The following VPS13B variants were observed in gnomAD, a reference collection of about 807,000 sequenced individuals.
VPS13B encodes vacuolar protein sorting 13 homolog B.
VPS13B carries 285 observed loss-of-function variants against 426.4 expected under a neutral mutation model. That is an observed-to-expected ratio of 0.67 (90% CI 0.61 to 0.74). VPS13B has a LOEUF of 0.74. VPS13B is among the 30% of genes least tolerant of loss of function. VPS13B has a pLI of 0.00. For missense variants in VPS13B, 4,537 were observed against 4,782.6 expected, an observed-to-expected ratio of 0.95 and a Z score of 1.51; for synonymous variants, 1,676 against 1,676.4, an observed-to-expected ratio of 1.00 and a Z score of 0.01.
intron 20 of VPS13B, 73 bp from the exon 21 acceptor site, chr8:99,391,484 T>C: frequency 3.1e-6 from 5 of 1,609,600 alleles, no homozygotes; most frequent in Non-Finnish European, 3.4e-6. Flanking sequence ...AGTATTGCCA[T>C]GTTTAACCTT....
intron 49 of VPS13B, among the ~76,000 whole-genome samples, chr8:99,820,999 T>C (rs1449716460): frequency 6.6e-6 from 1 of 151,604 alleles, no homozygotes; most frequent in African/African-American, 2.4e-5. Flanking sequence ...GTAGTCACTG[T>C]TTGGGTTTGG....
chr8:99,732,249 G>A (rs1833635330), intron 39 of VPS13B, among the ~76,000 whole-genome samples: 1 of 152,290 alleles, frequency 6.6e-6, no homozygotes, highest in Non-Finnish European at 1.5e-5. Flanking sequence ...ATCTAGGACT[G>A]CGAATGTCTC....
chr8:99,107,678 TG>T (rs1847119407), intron 5 of VPS13B, among the ~76,000 whole-genome samples: 1 of 152,218 alleles, frequency 6.6e-6, no homozygotes, highest in Admixed American at 6.5e-5. Flanking sequence ...TCCTTTTTTA[TG>T]TTTCCTTGTT....
intron 29 of VPS13B, among the ~76,000 whole-genome samples, chr8:99,517,814 A>G (rs16897424): frequency 0.021 from 3,150 of 152,202 alleles, 120 homozygotes; most frequent in African/African-American, 0.072. Flanking sequence ...CCAACTATTA[A>G]ATACAGGTGA....
chr8:99,431,027 T>G (rs1206444206), intron 21 of VPS13B, among the ~76,000 whole-genome samples: 2 of 152,178 alleles, frequency 1.3e-5, no homozygotes, highest in Non-Finnish European at 2.9e-5. Context: ...CAAAATCACT[T>G]TTTAAAATTG....
At chr8:99,861,450 C>T (rs1816826854) in intron 57 of VPS13B, among the ~76,000 whole-genome samples, 1 of 152,160 alleles carries the variant, frequency 6.6e-6, no homozygotes, top group Admixed American at 6.5e-5. Flanking sequence ...TACAGGTGTG[C>T]ACCACCACAC....
chr8:99,391,836 C>A, intron 21 of VPS13B, 132 bp downstream of exon 21: 2 of 1,210,872 alleles, frequency 1.7e-6, no homozygotes, highest in Non-Finnish European at 2.4e-6. Flanking sequence ...CTTTATTATC[C>A]ACAACATTAG....
intron 15 of VPS13B, among the ~76,000 whole-genome samples, chr8:99,158,032 G>A (rs1252863263): frequency 2.0e-5 from 3 of 152,222 alleles, no homozygotes; most frequent in African/African-American, 7.2e-5. Context: ...AAGTGTAAGA[G>A]AAGCCATCTC....
At chr8:99,043,288 T>C (rs541694434) in intron 3 of VPS13B, among the ~76,000 whole-genome samples, 2 of 152,290 alleles carry the variant, frequency 1.3e-5, no homozygotes, top group African/African-American at 4.8e-5. Context: ...CATGTGATCA[T>C]TGGAATTTTA....
At chr8:99,423,878 C>T (rs1326749274) in intron 21 of VPS13B, among the ~76,000 whole-genome samples, 1 of 152,068 alleles carries the variant, frequency 6.6e-6, no homozygotes, top group Non-Finnish European at 1.5e-5. Flanking sequence ...GAAAAGAATG[C>T]ATATACGTTG....
chr8:99,769,326 G>T (rs1400851983), intron 40 of VPS13B, among the ~76,000 whole-genome samples: 1 of 152,124 alleles, frequency 6.6e-6, no homozygotes, highest in African/African-American at 2.4e-5. Flanking sequence ...GATTATATTT[G>T]TTTCATCCAA....
chr8:99,602,290 C>T (rs1827341893), intron 33 of VPS13B, among the ~76,000 whole-genome samples: 1 of 152,112 alleles, frequency 6.6e-6, no homozygotes. Context: ...TCAGGTTTGT[C>T]AAAGATCAGA....
At chr8:99,457,441 T>A (rs1818540520) in intron 23 of VPS13B, among the ~76,000 whole-genome samples, 1 of 152,226 alleles carries the variant, frequency 6.6e-6, no homozygotes, top group Non-Finnish European at 1.5e-5. Context: ...TTTGGTGAGT[T>A]AATAGTGATA....
At chr8:99,680,971 G>A (rs1831130928) in intron 35 of VPS13B, among the ~76,000 whole-genome samples, 2 of 151,960 alleles carry the variant, frequency 1.3e-5, no homozygotes, top group Non-Finnish European at 2.9e-5. Context: ...ACAAAATGTG[G>A]CTTGCTCAAT....
chr8:99,428,905 A>G (rs1816910768), intron 21 of VPS13B, among the ~76,000 whole-genome samples: 1 of 152,198 alleles, frequency 6.6e-6, no homozygotes. Context: ...GATAGACTGG[A>G]TTAAGAAAAT....
intron 17 of VPS13B, among the ~76,000 whole-genome samples, chr8:99,236,378 T>C (rs1217978847): frequency 6.6e-6 from 1 of 152,104 alleles, no homozygotes; most frequent in Non-Finnish European, 1.5e-5. Context: ...GTCTCCTGAG[T>C]AGCTGGGATT....
At chr8:99,430,034 T>A (rs1410886693) in intron 21 of VPS13B, among the ~76,000 whole-genome samples, 1 of 152,278 alleles carries the variant, frequency 6.6e-6, no homozygotes, top group African/African-American at 2.4e-5. Flanking sequence ...CTTCAGACAT[T>A]CGTTGTTTTT....
chr8:99,415,589 G>A (rs554017146), intron 21 of VPS13B, among the ~76,000 whole-genome samples: 62 of 152,200 alleles, frequency 4.1e-4, no homozygotes, highest in African/African-American at 1.5e-3. Flanking sequence ...CCTTTAGATG[G>A]GGTTTCTGTG....
rs187279322 is a variant in VPS13B, at chr8:99,540,778, C to A, written c.4746-15672C>A. 6.3e-3 allele frequency among the ~76,000 whole-genome samples: 951 copies of A among 152,116 alleles called. 8 individuals carry two copies. The highest frequency in any genetic ancestry group is 0.021 in the African/African-American group (892 of 41,498). On this transcript the variant is annotated intron_variant, in intron 30 of 61. Transcript: ENST00000357162. The stretch of plus-strand genomic sequence containing the variant: ...TCTTGTTTTTGCATTTCTTTTGTAA[C>A]CAAAATCTAAAAACTGCATAATTGT...
Sources: allele counts gnomAD v4.1 joint callset (sites outside exome capture counted in the v4.1 genomes callset), GRCh38; gene constraint gnomAD v4.1.1; transcripts MANE v1.5; gene names NCBI Gene and HGNC (gene_info 2026-07-23, HGNC 2026-07-21).